CA4: variants seen among roughly 807,000 people sequenced by gnomAD.
CA4 encodes the protein carbonic anhydrase 4.
A neutral mutation model predicts 34.5 loss-of-function variants in CA4; 24 were observed. The observed-to-expected ratio is 0.70, with a 90% confidence interval of 0.50 to 0.98. The LOEUF (loss-of-function observed/expected upper bound fraction) is 0.98, where lower values mean the gene tolerates loss of function less well. CA4 is among the 50% of genes least tolerant of loss of function. The pLI is 0.00. For synonymous variants in CA4, 178 were observed against 170.6 expected, an observed-to-expected ratio of 1.04 and a Z score of -0.34; for missense variants, 394 against 396.7, an observed-to-expected ratio of 0.99 and a Z score of 0.06.
At chr17:60,162,532 G>T (rs1295711507), downstream of CA4, among the ~76,000 whole-genome samples, 1 of 150,226 alleles carries the variant, frequency 6.7e-6, no homozygotes, top group Non-Finnish European at 1.5e-5. Flanking sequence ...GGCCCCGTGG[G>T]TGACTGCATG....
At chr17:60,158,635 G>A (rs2083739771) in intron 7 of CA4, 189 bp downstream of exon 7, 1 of 632,426 alleles carries the variant, frequency 1.6e-6, no homozygotes, top group Non-Finnish European at 2.8e-6. Flanking sequence ...CAGATTGGGG[G>A]CTAGACAGGA....
At chr17:60,172,769 G>A (rs2083922171), downstream of CA4, among the ~76,000 whole-genome samples, 1 of 152,216 alleles carries the variant, frequency 6.6e-6, no homozygotes, top group African/African-American at 2.4e-5. Context: ...ACTTGAATCC[G>A]GGAGGTGGAG....
chr17:60,158,995 C>T (rs1388122664), intron 7 of CA4: 3 of 582,252 alleles, frequency 5.2e-6, no homozygotes, highest in Non-Finnish European at 9.3e-6. Flanking sequence ...GCATTGCGGG[C>T]CCCCTGGGGT....
Position 60,157,478 on chromosome 17 carries a change from C to A in CA4, c.320C>A (p.Ala107Asp), listed in dbSNP as rs774516904. Residue 107 changes from alanine to aspartate, a missense_variant, in exon 4 of 8, where the codon GCC (alanine) becomes GAC (aspartate). Transcript: ENST00000300900. ...AGCATTTCTGGAGGAGGACTGCCTG[C>A]CCCATACCAGGCCAAACAGTTGCAC... ...KASISGGGLP[A>D]PYQAKQLHLH... The A allele has an allele frequency of 6.2e-7, 1 of 1,614,092 alleles. No individual in the cohort carries two copies. The highest frequency in any genetic ancestry group is 8.5e-7 in the Non-Finnish European group (1 of 1,179,944).
At chr17:60,150,548 C>T (rs936777728) in intron 1 of CA4, among the ~76,000 whole-genome samples, 13 of 150,988 alleles carry the variant, frequency 8.6e-5, no homozygotes, top group Non-Finnish European at 1.6e-4. Flanking sequence ...TGGCACACGC[C>T]TGTAATCCCA....
At chr17:60,157,992 G>C (rs571511182) in intron 5 of CA4, 69 bp from the exon 6 acceptor site, 1 of 1,591,100 alleles carries the variant, frequency 6.3e-7, no homozygotes, top group African/African-American at 1.3e-5. Flanking sequence ...CCCCCAGATC[G>C]GGAGAATGAA....
chr17:60,166,826 A>G (rs2083860514), intron 5 of CA4, among the ~76,000 whole-genome samples: 1 of 152,180 alleles, frequency 6.6e-6, no homozygotes, highest in Non-Finnish European at 1.5e-5. Flanking sequence ...GCATGGTGGC[A>G]TGTGCCTGTA....
At chr17:60,170,965 C>CCATCTGTGTG (rs1189690022), downstream of CA4, 4 of 152,220 alleles carry the variant, frequency 2.6e-5, no homozygotes, top group African/African-American at 9.7e-5. Flanking sequence ...CAGAAATGTT[C>CCATCTGTGTG]CATCTGTGTG....
At chr17:60,175,189 A>ATTTTTTTTTTT (rs555031745), downstream of CA4, among the ~76,000 whole-genome samples, 901 of 107,596 alleles carry the variant, frequency 8.4e-3, 109 homozygotes, top group African/African-American at 0.041. Context: ...CACCCAGCTG[A>ATTTTTTTTTTT]TTTTTTTTTT....
In CA4 at chr17:60,157,213, G is replaced by C. The variant is rs563421843; in HGVS notation, c.269-214G>C. 7.9e-5 allele frequency among the ~76,000 whole-genome samples: 12 copies of C among 152,364 alleles called. No individual in the cohort carries two copies. In the East Asian group the frequency reaches 2.3e-3, roughly 29 times the overall value. On this transcript the variant is annotated intron_variant, in intron 3 of 7. Transcript: ENST00000300900. Reference sequence around the variant, plus strand: ...TTGGGGCAGTGGAGGGTGCAGGAGAGGGGGAGGCAGGCAGGGAGACCAAGG... The same window carrying C: ...TTGGGGCAGTGGAGGGTGCAGGAGACGGGGAGGCAGGCAGGGAGACCAAGG...
downstream of CA4, among the ~76,000 whole-genome samples, chr17:60,162,600 CCTT>C (rs1195565225): frequency 6.6e-6 from 1 of 151,942 alleles, no homozygotes; most frequent in Non-Finnish European, 1.5e-5. Context: ...AGCCTTCACT[CCTT>C]CACTGTAGCT....
At chr17:60,154,768 G>A (rs1312913466) in intron 1 of CA4, among the ~76,000 whole-genome samples, 2 of 152,194 alleles carry the variant, frequency 1.3e-5, no homozygotes, top group African/African-American at 2.4e-5. Flanking sequence ...TCCTCCTAGC[G>A]GGAGCTGTGA....
At chr17:60,168,115 G>A (rs1157637456) in intron 5 of CA4, among the ~76,000 whole-genome samples, 1 of 151,588 alleles carries the variant, frequency 6.6e-6, no homozygotes, top group Non-Finnish European at 1.5e-5. Flanking sequence ...TGAGTTCAGT[G>A]TGGCAACCAC....
chr17:60,153,785 AC>A (rs1458618230), intron 1 of CA4, among the ~76,000 whole-genome samples: 1 of 152,204 alleles, frequency 6.6e-6, no homozygotes, highest in Non-Finnish European at 1.5e-5. Context: ...GAATCCACCC[AC>A]ATGGGGGTGG....
At chr17:60,171,972 T>A (rs2083914997), downstream of CA4, among the ~76,000 whole-genome samples, 1 of 152,160 alleles carries the variant, frequency 6.6e-6, no homozygotes, top group Admixed American at 6.5e-5. Context: ...TTCCATGGCA[T>A]CAGCTAAGAT....
At position 60,159,238 on chromosome 17, in the gene CA4, A is replaced by T. The variant is rs140515828; in HGVS notation, c.753A>T (p.Ala251=). ...PIQLHREQIL[A]FSQKLYYDKE... is the part of the protein sequence containing the mutation. ...CCCCATCACTTCCGCAGATCCTGGC[A>T]TTCTCTCAGAAGCTGTACTACGACA... is the stretch of plus-strand genomic sequence containing the variant. Residue 251 remains alanine (A), a synonymous_variant, in exon 8 of 8, where the codon GCA becomes GCT. Transcript: ENST00000300900. 186 of 1,601,484 alleles carry T rather than the reference A, an allele frequency of 1.2e-4. No homozygotes were observed. Among genetic ancestry groups the T allele is most frequent in the Non-Finnish European group, 1.5e-4 (174 of 1,174,040 alleles).
At chr17:60,158,878 G>T in intron 7 of CA4, 1 of 428,288 alleles carries the variant, frequency 2.3e-6, no homozygotes, top group South Asian at 2.4e-5. Context: ...AACTCTGGGG[G>T]TGGAGCCCAG....
downstream of CA4, among the ~76,000 whole-genome samples, chr17:60,175,746 T>G (rs556288704): frequency 9.8e-4 from 149 of 151,750 alleles, no homozygotes; most frequent in Non-Finnish European, 1.4e-3. Context: ...TGACTTTCTG[T>G]ATTAATTTTC....
intron 6 of CA4, 47 bp downstream of exon 6, chr17:60,158,174 C>T (rs2083728286): frequency 1.9e-6 from 3 of 1,610,460 alleles, no homozygotes; most frequent in Non-Finnish European, 2.5e-6. Flanking sequence ...GGGGGGATTC[C>T]TCCCACAAAG....
Sources: allele counts gnomAD v4.1 joint callset (sites outside exome capture counted in the v4.1 genomes callset), GRCh38; gene constraint gnomAD v4.1.1; transcripts MANE v1.5; gene names NCBI Gene and HGNC (gene_info 2026-07-23, HGNC 2026-07-21).